LRBA: variants seen among roughly 807,000 people sequenced by gnomAD.
LRBA encodes the protein lipopolysaccharide-responsive and beige-like anchor protein.
A neutral mutation model predicts 330.0 loss-of-function variants in LRBA; 176 were observed. The observed-to-expected ratio is 0.53, with a 90% CI of 0.47 to 0.60. LRBA has a LOEUF of 0.60. Among genes scored for constraint, LRBA ranks in the 20% least tolerant of loss-of-function variants. The pLI is 0.00. For missense variants in LRBA, 3,259 were observed against 3,444.8 expected (o/e 0.95, Z 1.35); for synonymous variants, 1,230 against 1,193.0 (o/e 1.03, Z -0.64).
At chr4:150,660,510 C>A (rs1193999357) in intron 37 of LRBA, among the ~76,000 whole-genome samples, 1 of 151,308 alleles carries the variant, frequency 6.6e-6, no homozygotes, top group Non-Finnish European at 1.5e-5. Context: ...CCCGGCCAGC[C>A]GCCCTGTCCG....
chr4:150,704,244 T>C (rs755378262), intron 36 of LRBA, among the ~76,000 whole-genome samples: 1 of 151,960 alleles, frequency 6.6e-6, no homozygotes, highest in Non-Finnish European at 1.5e-5. Context: ...TTATATTTGT[T>C]TTATATTATG....
chr4:150,783,537 T>C (rs1738577179), intron 34 of LRBA, among the ~76,000 whole-genome samples: 1 of 152,218 alleles, frequency 6.6e-6, no homozygotes, highest in African/African-American at 2.4e-5. Flanking sequence ...GCAGTACTGA[T>C]GTTTCAATTA....
chr4:150,846,225 G>A (rs116439806), intron 26 of LRBA, among the ~76,000 whole-genome samples: 1,664 of 152,124 alleles, frequency 0.011, 8 homozygotes, highest in Non-Finnish European at 0.017. Context: ...AGTAGAGTGC[G>A]TAATGATTGA....
chr4:150,752,763 T>G (rs1215795842), intron 35 of LRBA, among the ~76,000 whole-genome samples: 1 of 152,096 alleles, frequency 6.6e-6, no homozygotes, highest in African/African-American at 2.4e-5. Context: ...AATCCCTAGT[T>G]GAACATTTTA....
intron 40 of LRBA, among the ~76,000 whole-genome samples, chr4:150,550,256 T>C (rs1766416002): frequency 6.6e-6 from 1 of 152,166 alleles, no homozygotes; most frequent in African/African-American, 2.4e-5. Context: ...AATATATTTT[T>C]AAAGATAACA....
chr4:150,278,401 A>G (rs1469978061), intron 55 of LRBA, among the ~76,000 whole-genome samples: 1 of 152,068 alleles, frequency 6.6e-6, no homozygotes, highest in Admixed American at 6.6e-5. Flanking sequence ...CTGACCTTAC[A>G]TCCCCTCTAA....
chr4:150,665,138 T>C (rs751771224), intron 37 of LRBA, among the ~76,000 whole-genome samples: 1 of 152,172 alleles, frequency 6.6e-6, no homozygotes, highest in Non-Finnish European at 1.5e-5. Context: ...ATGTGTCTAA[T>C]TCCTCCAGGA....
chr4:150,393,028 G>T (rs1744218405), intron 47 of LRBA, among the ~76,000 whole-genome samples: 1 of 151,766 alleles, frequency 6.6e-6, no homozygotes, highest in South Asian at 2.1e-4. Context: ...AAAAAGGGGG[G>T]AGAATATGAT....
At chr4:150,326,828 C>T (rs1426824166) in intron 48 of LRBA, among the ~76,000 whole-genome samples, 1 of 152,142 alleles carries the variant, frequency 6.6e-6, no homozygotes, top group East Asian at 1.9e-4. Flanking sequence ...TCGACACTCC[C>T]GTAACAGTCA....
At chr4:150,377,013 G>C (rs911124829) in intron 47 of LRBA, among the ~76,000 whole-genome samples, 1 of 151,990 alleles carries the variant, frequency 6.6e-6, no homozygotes, top group African/African-American at 2.4e-5. Context: ...AAGAAAAAGA[G>C]GCTGGGTGTG....
At chr4:150,981,962 CAAAAA>C (rs57550785) in intron 2 of LRBA, among the ~76,000 whole-genome samples, 2 of 63,946 alleles carry the variant, frequency 3.1e-5, no homozygotes, top group Admixed American at 1.8e-4. Flanking sequence ...GACTCCATCT[CAAAAA>C]AAAAAAAAAA....
At chr4:150,547,489 A>G (rs1765991677) in intron 40 of LRBA, among the ~76,000 whole-genome samples, 1 of 152,174 alleles carries the variant, frequency 6.6e-6, no homozygotes, top group African/African-American at 2.4e-5. Context: ...TATATTGTAG[A>G]CAGCGCAAAC....
At position 150,841,548 on chromosome 4, in the gene LRBA, A is replaced by C. The variant is rs9997986; in HGVS notation, c.4569+2552T>G. ...TATGTAAAAAAGCAAATCTGAACTC[A>C]GATTATGGTGATTAAAAACCTTAGC... On this transcript the variant is annotated intron_variant, in intron 28 of 56. Transcript: ENST00000651943. Among the ~76,000 whole-genome samples, 901 of 152,338 alleles carry C rather than the reference A, an allele frequency of 5.9e-3. 13 individuals are homozygous for C. Among genetic ancestry groups the C allele is most frequent in the African/African-American group, 0.021 (857 of 41,586 alleles).
chr4:150,611,909 T>C (rs1307227536), intron 37 of LRBA, among the ~76,000 whole-genome samples: 2 of 151,928 alleles, frequency 1.3e-5, no homozygotes, highest in African/African-American at 2.4e-5. Context: ...CTCTCTCTCT[T>C]TCTCTCTCTC....
intron 44 of LRBA, among the ~76,000 whole-genome samples, chr4:150,443,804 A>T (rs560653622): frequency 6.7e-6 from 1 of 148,714 alleles, no homozygotes; most frequent in African/African-American, 2.5e-5. Context: ...TATGTAATAA[A>T]CCTGCATGTT....
At chr4:150,828,920 G>GGTGT (rs1459221417) in intron 29 of LRBA, among the ~76,000 whole-genome samples, 1 of 53,238 alleles carries the variant, frequency 1.9e-5, no homozygotes, top group African/African-American at 3.9e-5. Context: ...ATCTTTTTTG[G>GGTGT]GGGTGTGTGT....
chr4:150,683,747 A>G, intron 36 of LRBA, 30 bp from the exon 37 acceptor site: 1 of 1,489,066 alleles, frequency 6.7e-7, no homozygotes, highest in Non-Finnish European at 9.1e-7. Flanking sequence ...AATACTATAA[A>G]AAATGTGAAA....
intron 44 of LRBA, among the ~76,000 whole-genome samples, chr4:150,461,052 G>A (rs368776667): frequency 2.6e-4 from 40 of 151,828 alleles, no homozygotes; most frequent in Middle Eastern, 6.8e-3. Context: ...CGAACATTCA[G>A]CTTTTTTTGT....
intron 47 of LRBA, among the ~76,000 whole-genome samples, chr4:150,402,365 G>A (rs1158799204): frequency 6.6e-6 from 1 of 151,548 alleles, no homozygotes; most frequent in East Asian, 1.9e-4. Flanking sequence ...CAAAAAAAGT[G>A]AAACGATAAA....
Sources: gnomAD v4.1 joint callset for allele counts (sites outside exome capture counted in the v4.1 genomes callset) on GRCh38, gnomAD v4.1.1 for gene constraint, MANE v1.5 for transcripts, NCBI Gene and HGNC (gene_info 2026-07-23, HGNC 2026-07-21) for gene names.